Variants in ACSBG1 observed in about 807,000 individuals in gnomAD.
The protein encoded by ACSBG1 is acyl-CoA synthetase bubblegum family member 1.
A neutral mutation model predicts 80.2 loss-of-function variants in ACSBG1; 39 were observed. That is an observed-to-expected ratio of 0.49 (90% confidence interval 0.38 to 0.64). The LOEUF (loss-of-function observed/expected upper bound fraction) is 0.64. Ranked by LOEUF, ACSBG1 falls within the 30% of genes least tolerant of loss-of-function variation. ACSBG1 has a pLI of 0.00. For missense variants in ACSBG1, 828 were observed against 966.4 expected, an observed-to-expected ratio of 0.86 and a Z score of 1.90; for synonymous variants, 392 against 379.5, an observed-to-expected ratio of 1.03 and a Z score of -0.38.
At chr15:78,220,925 C>T (rs2075354945) in intron 1 of ACSBG1, among the ~76,000 whole-genome samples, 1 of 152,202 alleles carries the variant, frequency 6.6e-6, no homozygotes, top group Non-Finnish European at 1.5e-5. Flanking sequence ...ATAGAGTTAC[C>T]ATATGATCCA....
At chr15:78,205,428 T>C (rs2075204477) in intron 2 of ACSBG1, among the ~76,000 whole-genome samples, 1 of 152,014 alleles carries the variant, frequency 6.6e-6, no homozygotes, top group Admixed American at 6.5e-5. Flanking sequence ...TGTCTGCAGT[T>C]AGATGAAAGG....
chr15:78,171,509 G>A lies in ACSBG1; in HGVS notation c.2110C>T (p.Arg704Trp), dbSNP rs752742288. ...GELGPTMKLK[R>W]LTVLEKYKGI... ...TTGTACTTCTCCAAAACTGTGAGCC[G>A]TTTCAGTTTCATCGTGGGACCTAAA... Residue 704 changes from arginine to tryptophan, a missense_variant, in exon 14 of 14, where the codon CGG (arginine) becomes TGG (tryptophan). Around this residue, in one of 3 missense-constraint regions of ACSBG1, gnomAD observed 201 missense variants for 227.0 expected, o/e 0.89. Transcript: ENST00000258873. The A allele has an allele frequency of 6.8e-6, 11 of 1,614,092 alleles. No individual in the cohort carries two copies. The highest frequency in any genetic ancestry group is 2.2e-5 in the East Asian group (1 of 44,890).
intron 5 of ACSBG1, among the ~76,000 whole-genome samples, chr15:78,188,532 C>T (rs1373657461): frequency 6.9e-6 from 1 of 145,956 alleles, no homozygotes; most frequent in East Asian, 2.0e-4. Flanking sequence ...ATATCTACAA[C>T]TATCTGATCT....
At chr15:78,194,441 T>G (rs1022888232) in intron 3 of ACSBG1, 65 bp downstream of exon 3, 1 of 1,507,472 alleles carries the variant, frequency 6.6e-7, no homozygotes, top group African/African-American at 1.4e-5. Context: ...AGGAGGCCTG[T>G]GAGGCCCAGA....
chr15:78,217,570 T>TAAA lies in ACSBG1; in HGVS notation c.132-9469_132-9468insTTT, dbSNP rs1421271911. 1.4e-4 allele frequency among the ~76,000 whole-genome samples: 21 copies of TAAA among 151,612 alleles called. No homozygotes were observed. The South Asian group carries it at 3.8e-3, about 27-fold the overall frequency. ...TCATCAGACCCTTTTGGAAAAATTT[T>TAAA]TTTTTTTTTTTTTGAGATGGAGTCT... is the stretch of plus-strand genomic sequence containing the variant. On this transcript the variant is annotated intron_variant, in intron 1 of 13. Transcript: ENST00000258873.
intron 1 of ACSBG1, among the ~76,000 whole-genome samples, chr15:78,222,311 AG>A (rs1283726946): frequency 6.6e-6 from 1 of 152,232 alleles, no homozygotes; most frequent in Non-Finnish European, 1.5e-5. Context: ...GAGGAGAAAT[AG>A]GAAGTGACTA....
intron 2 of ACSBG1, among the ~76,000 whole-genome samples, chr15:78,196,600 T>C (rs1270393805): frequency 6.6e-6 from 1 of 151,924 alleles, no homozygotes; most frequent in Non-Finnish European, 1.5e-5. Flanking sequence ...ACCCAACAAC[T>C]CCACTCTTAG....
intron 2 of ACSBG1, among the ~76,000 whole-genome samples, chr15:78,203,902 C>T (rs1395638664): frequency 1.3e-5 from 2 of 152,190 alleles, no homozygotes; most frequent in African/African-American, 4.8e-5. Flanking sequence ...CAGGAACCAG[C>T]CCCAGGAGGG....
chr15:78,194,960 G>C (rs1032002569), intron 2 of ACSBG1, among the ~76,000 whole-genome samples: 9 of 152,244 alleles, frequency 5.9e-5, no homozygotes, highest in African/African-American at 1.9e-4. Context: ...CAAGGAAGAG[G>C]AGAGGAAATA....
At chr15:78,206,924 C>T (rs1595895589) in intron 2 of ACSBG1, among the ~76,000 whole-genome samples, 2 of 152,202 alleles carry the variant, frequency 1.3e-5, no homozygotes, top group Admixed American at 6.5e-5. Context: ...CCTGTGCCAT[C>T]ACTCATACTC....
chr15:78,169,689 A>C lies in ACSBG1; in HGVS notation c.*1755T>G, dbSNP rs1348240245. 6.6e-5 allele frequency: 10 copies of C among 152,330 alleles called. No homozygotes were observed. Among genetic ancestry groups the C allele is most frequent in the African/African-American group, 9.6e-5 (4 of 41,576 alleles). 9.4% of individuals were successfully genotyped at this position (152,330 alleles called of 1,614,324 possible). A position where few individuals can be genotyped will look rare whatever the true frequency, so the allele number is the denominator to read the frequency against. ...AAAGACACAAATGTATTGTGTGTTC[A>C]ATTATTTTGTTGTCTTGAGATTTAA... On this transcript the variant is annotated 3_prime_UTR_variant, in exon 14 of 14. Transcript: ENST00000258873.
chr15:78,183,882 C>T (rs866813654), intron 5 of ACSBG1, among the ~76,000 whole-genome samples: 8 of 728 alleles, frequency 0.011, no homozygotes, highest in East Asian at 0.038. Flanking sequence ...ATCTTTGGGG[C>T]GGGGCGGGTG....
intron 2 of ACSBG1, among the ~76,000 whole-genome samples, chr15:78,205,668 A>G (rs2075207048): frequency 6.6e-6 from 1 of 152,234 alleles, no homozygotes; most frequent in Admixed American, 6.5e-5. Context: ...AGAATACAAG[A>G]AAGTCCCTTA....
intron 5 of ACSBG1, among the ~76,000 whole-genome samples, chr15:78,189,980 A>G (rs745375871): frequency 2.6e-5 from 4 of 152,194 alleles, no homozygotes; most frequent in Non-Finnish European, 4.4e-5. Flanking sequence ...AAAAAAAAAG[A>G]AAAGTTCTTA....
rs939140840 is a variant in ACSBG1 at position 78,222,582 on chromosome 15, G to A, written c.131+11789C>T. Among the ~76,000 whole-genome samples, 5 of 152,306 alleles carry A rather than the reference G, an allele frequency of 3.3e-5. No homozygotes were observed. In the East Asian group the frequency reaches 9.6e-4, roughly 29 times the overall value. Reference sequence around the variant, plus strand: ...GGAGGCTGAGGCAGGAAGATCACTTGAGCCCAGCCAGTGAGCCAGGTTTAT... The same window carrying A: ...GGAGGCTGAGGCAGGAAGATCACTTAAGCCCAGCCAGTGAGCCAGGTTTAT... On this transcript the variant is annotated intron_variant, in intron 1 of 13. Transcript: ENST00000258873.
chr15:78,180,966 G>T, intron 8 of ACSBG1, 30 bp from the exon 9 acceptor site: 2 of 1,601,580 alleles, frequency 1.2e-6, no homozygotes, highest in Non-Finnish European at 8.5e-7. Context: ...CAGGCCTGTT[G>T]GGTCAGGGGC....
Position 78,168,917 on chromosome 15 carries a change from C to G in ACSBG1, c.*2527G>C. 6.3e-7 allele frequency: 1 copy of G among 1,581,546 alleles called. No homozygotes were observed. Among genetic ancestry groups the G allele is most frequent in the Non-Finnish European group, 8.7e-7 (1 of 1,154,564 alleles). ...TCTTTTATTTTTGCTTTTTCCTTTTCTCAGAGCTTGACAAAAGATTTGGGA... is the reference window on the plus strand; with the variant it reads ...TCTTTTATTTTTGCTTTTTCCTTTTGTCAGAGCTTGACAAAAGATTTGGGA... On this transcript the variant is annotated 3_prime_UTR_variant, in exon 14 of 14. Coordinates refer to ENST00000258873, the MANE Select transcript of ACSBG1 (RefSeq NM_015162.5).
chr15:78,223,174 G>A (rs2075372097), intron 1 of ACSBG1, among the ~76,000 whole-genome samples: 1 of 150,576 alleles, frequency 6.6e-6, no homozygotes, highest in African/African-American at 2.4e-5. Flanking sequence ...CATGTCAGAA[G>A]TCTGGCTATC....
chr15:78,217,906 G>A (rs78101743), intron 1 of ACSBG1, among the ~76,000 whole-genome samples: 1,923 of 152,192 alleles, frequency 0.013, 12 homozygotes, highest in Non-Finnish European at 0.02. Context: ...ATATTAAATC[G>A]TAATCCAGGT....
Sources: gnomAD v4.1 joint callset for allele counts (sites outside exome capture counted in the v4.1 genomes callset) on GRCh38, gnomAD v4.1.1 for gene constraint, gnomAD v4.1.1 regional missense constraint, MANE v1.5 for transcripts, NCBI Gene and HGNC (gene_info 2026-07-23, HGNC 2026-07-21) for gene names.